CWF19L1: variants seen among roughly 807,000 people sequenced by gnomAD.
CWF19L1 encodes CWF19-like protein 1.
In CWF19L1, 60 loss-of-function variants were observed where a neutral mutation model predicts 69.7. That is an observed-to-expected ratio of 0.86 (90% CI 0.70 to 1.07). CWF19L1 has a LOEUF of 1.07. Ranked by LOEUF, CWF19L1 falls within the 50% of genes least tolerant of loss-of-function variation. The pLI, the probability that CWF19L1 is intolerant of heterozygous loss-of-function variation, is 0.00. For missense variants in CWF19L1, 591 were observed against 638.9 expected (o/e 0.92, Z 0.81); for synonymous variants, 209 against 222.2 (o/e 0.94, Z 0.53).
chr10:100,264,015 C>A (rs1847488450), intron 1 of CWF19L1, among the ~76,000 whole-genome samples: 1 of 152,180 alleles, frequency 6.6e-6, no homozygotes, highest in Admixed American at 6.5e-5. Flanking sequence ...CAACAAGGGA[C>A]CACATATGTA....
chr10:100,243,198 A>G (rs756893760), intron 10 of CWF19L1, among the ~76,000 whole-genome samples: 7 of 152,226 alleles, frequency 4.6e-5, no homozygotes, highest in Non-Finnish European at 8.8e-5. Flanking sequence ...ATTATTTCTA[A>G]TAGCCATAAA....
intron 7 of CWF19L1, among the ~76,000 whole-genome samples, chr10:100,247,153 C>G (rs1846853329): frequency 6.6e-6 from 1 of 152,110 alleles, no homozygotes; most frequent in South Asian, 2.1e-4. Flanking sequence ...AAGAAATGAA[C>G]AAGAAATCAA....
intron 12 of CWF19L1, 72 bp downstream of exon 12, chr10:100,236,778 A>AAACAAAC: frequency 6.6e-7 from 1 of 1,518,646 alleles, no homozygotes; most frequent in Admixed American, 2.1e-5. Context: ...TCAAACAAAC[A>AAACAAAC]AACAAACAAC....
chr10:100,259,321 C>T (rs1467069993), intron 4 of CWF19L1, among the ~76,000 whole-genome samples: 1 of 151,818 alleles, frequency 6.6e-6, no homozygotes, highest in African/African-American at 2.4e-5. Context: ...GAAAGAGCCA[C>T]TAAAAGCAAT....
Position 100,252,946 on chromosome 10 carries a change from T to C in CWF19L1, c.623+475A>G, listed in dbSNP as rs566874552. Among the ~76,000 whole-genome samples the C allele has an allele frequency of 2.9e-3, 443 of 152,358 alleles. 4 individuals are homozygous for C. Among genetic ancestry groups the C allele is most frequent in the African/African-American group, 0.01 (432 of 41,586 alleles). On this transcript the variant is annotated intron_variant, in intron 6 of 13. Transcript: ENST00000354105. The stretch of plus-strand genomic sequence containing the variant: ...GTATACAACATGCTGTTTTGAAATG[T>C]GTATATACTGTGGGATGGCTAAATC...
At chr10:100,237,631 T>C (rs897151834) in intron 11 of CWF19L1, among the ~76,000 whole-genome samples, 2 of 152,146 alleles carry the variant, frequency 1.3e-5, no homozygotes, top group African/African-American at 2.4e-5. Context: ...ATATTTTACA[T>C]ATTAAAGCTA....
chr10:100,236,820 T>A, intron 12 of CWF19L1, 30 bp downstream of exon 12: 2 of 1,555,390 alleles, frequency 1.3e-6, no homozygotes, highest in Non-Finnish European at 1.7e-6. Flanking sequence ...ATATTTACTC[T>A]TCCCTGAATA....
rs544549146 is a variant in CWF19L1, at chr10:100,246,738, A to G, written c.849+57T>C. On this transcript the variant is annotated intron_variant, in intron 8 of 13. Transcript: ENST00000354105. Reference sequence around the variant, plus strand: ...AACGATTAAACTTGTCTTATGTACTAAACTATAACTAGGAAAAGAACACAT... The same window carrying G: ...AACGATTAAACTTGTCTTATGTACTGAACTATAACTAGGAAAAGAACACAT... 3.3e-6 allele frequency: 5 copies of G among 1,521,998 alleles called. No individual in the cohort carries two copies. In the South Asian group the frequency reaches 5.0e-5, roughly 15 times the overall value. 94.3% of individuals were successfully genotyped at this position (1,521,998 alleles called of 1,614,324 possible).
chr10:100,257,287 CTTTTTTTTTTT>C lies in CWF19L1; in HGVS notation c.290-822_290-812del, dbSNP rs55939570. ...GAGTCATCCATGCTAAGTGCTTTAC[CTTTTTTTTTTT>C]TTTTTTTTTTTTTTGAGATGGAGTC... On this transcript the variant is annotated intron_variant, in intron 4 of 13. Transcript: ENST00000354105. 3.9e-4 allele frequency among the ~76,000 whole-genome samples: 41 copies of C among 105,846 alleles called. 2 individuals carry two copies. In the South Asian group the frequency reaches 0.011, roughly 29 times the overall value. 69.4% of individuals were successfully genotyped at this position (105,846 alleles called of 152,430 possible).
chr10:100,248,548 C>T, intron 7 of CWF19L1: 1 of 718,708 alleles, frequency 1.4e-6, no homozygotes. Flanking sequence ...CACATGGGGG[C>T]CTGTCGCTAG....
chr10:100,237,256 C>T, intron 11 of CWF19L1: 1 of 604,734 alleles, frequency 1.7e-6, no homozygotes, highest in Non-Finnish European at 3.2e-6. Flanking sequence ...AGAGTTAGGC[C>T]CATTTGAAAA....
At chr10:100,267,451 C>T (rs1847639263) in intron 1 of CWF19L1, 120 bp downstream of exon 1, 1 of 1,594,832 alleles carries the variant, frequency 6.3e-7, no homozygotes. Context: ...TCCCCAGCAG[C>T]CCCGTGTCTC....
At chr10:100,233,432 C>G in intron 13 of CWF19L1, 61 bp from the exon 14 acceptor site, 1 of 1,546,572 alleles carries the variant, frequency 6.5e-7, no homozygotes, top group East Asian at 2.3e-5. Context: ...TCCTCAACAT[C>G]ACCCAAAGGA....
At chr10:100,255,208 T>C (rs545780414) in intron 5 of CWF19L1, among the ~76,000 whole-genome samples, 1 of 152,344 alleles carries the variant, frequency 6.6e-6, no homozygotes, top group African/African-American at 2.4e-5. Flanking sequence ...ACCATCCTTT[T>C]CAAGATTACT....
chr10:100,233,305 G>A lies in CWF19L1; in HGVS notation c.1539C>T (p.Ile513=). Residue 513 remains isoleucine, a synonymous_variant, in exon 14 of 14, where the codon ATC becomes ATT. Coordinates refer to ENST00000354105, the MANE Select transcript of CWF19L1 (RefSeq NM_018294.6). ...PDKSDWRQCQ[I]SKEDEETLAR... Reference sequence around the variant, plus strand: ...CCAGGGTCTCCTCGTCTTCCTTGCTGATCTGACACTGCCTCCAGTCAGACT... The same window carrying A: ...CCAGGGTCTCCTCGTCTTCCTTGCTAATCTGACACTGCCTCCAGTCAGACT... 1 of 1,613,952 alleles carries A rather than the reference G, an allele frequency of 6.2e-7. No homozygotes were observed. The highest frequency in any genetic ancestry group is 1.7e-5 in the Admixed American group (1 of 59,998).
intron 6 of CWF19L1, among the ~76,000 whole-genome samples, chr10:100,251,505 C>CTTTTTTTTTTTTTTTTTTTTT (rs1208146959): frequency 1.1e-5 from 1 of 88,308 alleles, no homozygotes; most frequent in Non-Finnish European, 2.0e-5. Flanking sequence ...GTCTATTGGC[C>CTTTTTTTTTTTTTTTTTTTTT]TTTTTTTTTT....
rs369238264 is a variant in CWF19L1, at chr10:100,234,940, G to C, written c.1472+727C>G. ...TTTGAGGTCCAACAGGCCTGGGTTT[G>C]AACCTACCACTGTGTGACTAGGACA... On this transcript the variant is annotated intron_variant, in intron 13 of 13. Coordinates refer to ENST00000354105, the MANE Select transcript of CWF19L1 (RefSeq NM_018294.6). Among the ~76,000 whole-genome samples, 6 of 152,304 alleles carry C rather than the reference G, an allele frequency of 3.9e-5. No homozygotes were observed. The East Asian group carries it at 7.7e-4, about 20-fold the overall frequency.
chr10:100,243,894 G>T, intron 9 of CWF19L1, 117 bp from the exon 10 acceptor site: 1 of 763,978 alleles, frequency 1.3e-6, no homozygotes, highest in Non-Finnish European at 2.3e-6. Flanking sequence ...ATACAACACT[G>T]CCACAATGGG....
rs1174702703 is a variant in CWF19L1, at chr10:100,236,901, C to T, written c.1323G>A (p.Gln441=). The T allele has an allele frequency of 3.1e-6, 5 of 1,612,362 alleles. No individual in the cohort carries two copies. The South Asian group carries it at 3.3e-5, about 11-fold the overall frequency. Residue 441 remains glutamine, a synonymous_variant, in exon 12 of 14, where the codon CAG becomes CAA. Coordinates refer to ENST00000354105, the MANE Select transcript of CWF19L1 (RefSeq NM_018294.6). ...DIKDAFITQA[Q]EQQIELLEIP... ...TTTCCAACAGCTCTATCTGCTGCTC[C>T]TGTGCCTGGGTAATGAAGGCATCTT... is the stretch of plus-strand genomic sequence containing the variant.
Sources: allele counts gnomAD v4.1 joint callset (sites outside exome capture counted in the v4.1 genomes callset), GRCh38; gene constraint gnomAD v4.1.1; transcripts MANE v1.5; gene names NCBI Gene and HGNC (gene_info 2026-07-23, HGNC 2026-07-21).